The following LHFPL1 variants were observed in gnomAD, a reference collection of about 807,000 sequenced individuals.
LHFPL1 encodes the protein LHFPL tetraspan subfamily member 1.
Under a neutral mutation model 12.1 loss-of-function variants are expected in LHFPL1, and 4 were observed. The observed-to-expected ratio is 0.33, with a 90% CI of 0.16 to 0.76. The LOEUF is 0.76. Ranked by LOEUF, LHFPL1 falls within the 30% of genes least tolerant of loss-of-function variation. LHFPL1 has a pLI of 0.61. For synonymous variants in LHFPL1, 52 were observed against 61.9 expected, an observed-to-expected ratio of 0.84 and a Z score of 0.75; for missense variants, 141 against 174.1, an observed-to-expected ratio of 0.81 and a Z score of 1.07.
chrX:112,655,536 T>C (rs1930973064), intron 3 of LHFPL1, among the ~76,000 whole-genome samples: 1 of 111,272 alleles, frequency 9.0e-6, no homozygotes, highest in Non-Finnish European at 1.9e-5. Flanking sequence ...AGTAGCAGAG[T>C]GGTAAATCCT....
At position 112,671,170 on chromosome X, in the gene LHFPL1, T is replaced by C. The variant is rs774560824; in HGVS notation, c.221A>G (p.Asn74Ser). 23 of 1,210,826 alleles carry C rather than the reference T, an allele frequency of 1.9e-5. No homozygotes were observed. In the East Asian group the frequency reaches 5.9e-4, roughly 31 times the overall value. ...CTGCCAGGCCAGGCTTGGGATGGCA[T>C]TGAAGCTGGCATAGCGCCCACATTC... is the stretch of plus-strand genomic sequence containing the variant. ...VEECGRYASF[N>S]AIPSLAWQMC... The change falls in exon 2 of 4, where the codon AAT (asparagine) becomes AGT (serine). Residue 74 changes from asparagine to serine, a missense_variant. Physicochemically the swap from Asn to Ser is conservative, Grantham distance 46. Transcript: ENST00000371968.
At chrX:112,638,314 C>T (rs1930403456) in intron 3 of LHFPL1, among the ~76,000 whole-genome samples, 1 of 111,521 alleles carries the variant, frequency 9.0e-6, no homozygotes. Context: ...AACTTCACCA[C>T]CCAGTGTAGA....
In LHFPL1 at chrX:112,671,038, C is replaced by T. The variant is rs753683093; in HGVS notation, c.353G>A (p.Arg118His). The T allele has an allele frequency of 1.1e-5, 13 of 1,209,749 alleles. No individual in the cohort carries two copies. The highest frequency in any genetic ancestry group is 3.0e-5 in the East Asian group (1 of 33,762). Residue 118 changes from arginine to histidine, a missense_variant, in exon 2 of 4, where the codon CGT becomes CAT. Transcript: ENST00000371968. ...MEELISRMMGRCMGAAQFVGG... is the reference protein window; with the variant it reads ...MEELISRMMGHCMGAAQFVGG... ...AACAAACTGCGCTGCTCCCATGCAA[C>T]GTCCCATCATTCTGGAGATGAGCTC...
intron 1 of LHFPL1, among the ~76,000 whole-genome samples, chrX:112,673,462 T>C (rs1931569355): frequency 9.0e-6 from 1 of 111,342 alleles, no homozygotes; most frequent in Non-Finnish European, 1.9e-5. Context: ...CTTGTTGTAT[T>C]AGAGTTTGTA....
At chrX:112,658,397 C>T (rs2147717512) in intron 3 of LHFPL1, among the ~76,000 whole-genome samples, 1 of 104,274 alleles carries the variant, frequency 9.6e-6, no homozygotes, top group African/African-American at 3.5e-5. Flanking sequence ...TGCACTCCAG[C>T]CTGAGTGACA....
chrX:112,644,662 A>T (rs919587653), intron 3 of LHFPL1, among the ~76,000 whole-genome samples: 3 of 111,454 alleles, frequency 2.7e-5, no homozygotes, highest in Non-Finnish European at 5.6e-5. Context: ...GAAAACAAGG[A>T]AACTAAGGGT....
chrX:112,651,007 A>G (rs1327838228), intron 3 of LHFPL1, among the ~76,000 whole-genome samples: 1 of 111,521 alleles, frequency 9.0e-6, no homozygotes, highest in Non-Finnish European at 1.9e-5. Flanking sequence ...CTTAACCTCA[A>G]TTTCCCTTTC....
At chrX:112,678,779 T>C (rs1931723770) in intron 1 of LHFPL1, among the ~76,000 whole-genome samples, 2 of 112,047 alleles carry the variant, frequency 1.8e-5, no homozygotes, top group Non-Finnish European at 3.8e-5. Flanking sequence ...TGGGAATTCA[T>C]ATTGTTAAAA....
intron 3 of LHFPL1, among the ~76,000 whole-genome samples, chrX:112,635,740 C>A (rs931085636): frequency 8.9e-6 from 1 of 111,888 alleles, no homozygotes; most frequent in Non-Finnish European, 1.9e-5. Flanking sequence ...TTCATCTTGG[C>A]TTTAGTAGTA....
chrX:112,657,626 T>C (rs1219782030), intron 3 of LHFPL1, among the ~76,000 whole-genome samples: 1 of 111,705 alleles, frequency 9.0e-6, no homozygotes, highest in East Asian at 2.8e-4. Context: ...ATATAAACCC[T>C]TACATTTATG....
chrX:112,664,529 G>A (rs1312150282), intron 2 of LHFPL1, among the ~76,000 whole-genome samples: 1 of 111,698 alleles, frequency 9.0e-6, no homozygotes, highest in African/African-American at 3.3e-5. Context: ...ATTTGTTCAG[G>A]TCTAGTGCAT....
At chrX:112,637,074 T>A (rs1240577895) in intron 3 of LHFPL1, among the ~76,000 whole-genome samples, 2 of 112,025 alleles carry the variant, frequency 1.8e-5, no homozygotes. Context: ...TATTCCTTTT[T>A]GTGCTCTTCT....
chrX:112,658,471 A>G (rs184901557), intron 3 of LHFPL1, among the ~76,000 whole-genome samples: 3 of 110,743 alleles, frequency 2.7e-5, no homozygotes, highest in Non-Finnish European at 3.8e-5. Flanking sequence ...AAACCAAGCA[A>G]ATGATTTCAA....
chrX:112,655,472 G>A (rs752366933), intron 3 of LHFPL1, among the ~76,000 whole-genome samples: 31 of 112,161 alleles, frequency 2.8e-4, no homozygotes, highest in Non-Finnish European at 4.5e-4. Context: ...GAAAAGATAG[G>A]TTGAAGACAT....
intron 3 of LHFPL1, among the ~76,000 whole-genome samples, chrX:112,652,310 G>A (rs1930876833): frequency 8.9e-6 from 1 of 111,787 alleles, no homozygotes; most frequent in Non-Finnish European, 1.9e-5. Context: ...GCCTGCCTGC[G>A]AGTCAGAAAG....
At chrX:112,659,564 T>C (rs187227884) in intron 3 of LHFPL1, among the ~76,000 whole-genome samples, 6 of 111,838 alleles carry the variant, frequency 5.4e-5, no homozygotes, top group African/African-American at 1.9e-4. Context: ...TTTGATAATA[T>C]AAGAATTATA....
At chrX:112,657,909 CA>C (rs57793060) in intron 3 of LHFPL1, among the ~76,000 whole-genome samples, 12,647 of 61,133 alleles carry the variant, frequency 0.21, 717 homozygotes, top group South Asian at 0.28. Flanking sequence ...AAAACAGAAG[CA>C]AAAAAAAAAA....
At chrX:112,643,811 G>A (rs1930603332) in intron 3 of LHFPL1, among the ~76,000 whole-genome samples, 1 of 111,636 alleles carries the variant, frequency 9.0e-6, no homozygotes, top group African/African-American at 3.3e-5. Flanking sequence ...CAATTTGTTC[G>A]TTCCATTCAG....
intron 1 of LHFPL1, 128 bp from the exon 2 acceptor site, chrX:112,671,532 C>T: frequency 8.6e-7 from 1 of 1,156,629 alleles, no homozygotes; most frequent in Non-Finnish European, 1.1e-6. Flanking sequence ...TTGGTCATTG[C>T]TTCTGGATAA....
Sources: gnomAD v4.1 joint callset for allele counts (sites outside exome capture counted in the v4.1 genomes callset) on GRCh38, gnomAD v4.1.1 for gene constraint, MANE v1.5 for transcripts, NCBI Gene and HGNC (gene_info 2026-07-23, HGNC 2026-07-21) for gene names.